The following PATJ variants were observed in gnomAD, a reference collection of about 807,000 sequenced individuals.
PATJ encodes the protein PATJ crumbs cell polarity complex component.
In PATJ, 190 loss-of-function variants were observed where a neutral mutation model predicts 224.9. That is an observed-to-expected ratio of 0.84 (90% CI 0.75 to 0.95). PATJ has a LOEUF of 0.95. Among genes scored for constraint, PATJ ranks in the 40% least tolerant of loss-of-function variants. The pLI is 0.00. For missense variants in PATJ, 2,121 were observed against 2,270.3 expected, an observed-to-expected ratio of 0.93 and a Z score of 1.34; for synonymous variants, 769 against 820.3, an observed-to-expected ratio of 0.94 and a Z score of 1.07.
At chr1:61,806,642 T>G (rs1174602651) in intron 13 of PATJ, among the ~76,000 whole-genome samples, 2 of 149,368 alleles carry the variant, frequency 1.3e-5, no homozygotes, top group Admixed American at 6.7e-5. Flanking sequence ...AAAAGATGAG[T>G]CAATACAATT....
chr1:62,020,813 A>G (rs1300296892), intron 29 of PATJ, among the ~76,000 whole-genome samples: 2 of 152,212 alleles, frequency 1.3e-5, no homozygotes, highest in East Asian at 1.9e-4. Context: ...TAAAGAACAG[A>G]AATTCATTCA....
At chr1:62,127,437 C>A (rs1208887854) in intron 39 of PATJ, among the ~76,000 whole-genome samples, 2 of 146,268 alleles carry the variant, frequency 1.4e-5, no homozygotes, top group Non-Finnish European at 1.5e-5. Flanking sequence ...TTTTTTGACA[C>A]AAATGACTCC....
intron 9 of PATJ, among the ~76,000 whole-genome samples, chr1:61,793,317 T>C (rs1056540199): frequency 6.6e-6 from 1 of 152,156 alleles, no homozygotes; most frequent in African/African-American, 2.4e-5. Flanking sequence ...AAATGGAGAA[T>C]TCACAAAGAA....
intron 41 of PATJ, among the ~76,000 whole-genome samples, chr1:62,145,781 C>T (rs978603160): frequency 7.9e-5 from 12 of 151,938 alleles, no homozygotes; most frequent in Non-Finnish European, 1.8e-4. Flanking sequence ...CATGGTGAAA[C>T]CCTGTCTCTA....
intron 31 of PATJ, among the ~76,000 whole-genome samples, chr1:62,065,044 C>T (rs1382943260): frequency 6.6e-6 from 1 of 152,166 alleles, no homozygotes; most frequent in Non-Finnish European, 1.5e-5. Context: ...TTTTTCACAG[C>T]TCATTGTTCT....
At chr1:61,961,548 T>G (rs1455462692) in intron 27 of PATJ, among the ~76,000 whole-genome samples, 1 of 152,132 alleles carries the variant, frequency 6.6e-6, no homozygotes, top group African/African-American at 2.4e-5. Context: ...AGTCATATAA[T>G]AGGAGACAAA....
chr1:61,948,950 A>C (rs1156567641), intron 27 of PATJ, among the ~76,000 whole-genome samples: 1 of 152,092 alleles, frequency 6.6e-6, no homozygotes, highest in Admixed American at 6.6e-5. Flanking sequence ...CATTCTCAGC[A>C]AACTATCACA....
intron 26 of PATJ, among the ~76,000 whole-genome samples, chr1:61,915,971 A>G (rs1346029258): frequency 2.0e-5 from 3 of 152,204 alleles, no homozygotes; most frequent in African/African-American, 4.8e-5. Flanking sequence ...CTTGGATTAC[A>G]GGCATGAGCT....
chr1:62,161,009 T>G lies in PATJ; in HGVS notation c.5604T>G (p.Ile1868Met), dbSNP rs889220623. The G allele has an allele frequency of 1.9e-6, 3 of 1,607,844 alleles. No individual in the cohort carries two copies. In the African/African-American group the frequency reaches 4.0e-5, roughly 22 times the overall value. Residue 1868 changes from isoleucine to methionine, a missense_variant, in exon 44 of 44, where the codon ATT (isoleucine) becomes ATG (methionine). By Grantham distance (10) the Ile-to-Met change is conservative. Transcript: ENST00000642238. ...EGVTHEQAVA[I>M]LKHQRGTVTL... ...TTACTCATGAGCAAGCAGTCGCCAT[T>G]CTAAAACACCAGAGAGGGACTGTAA... is the stretch of plus-strand genomic sequence containing the variant.
chr1:61,760,303 AAT>A (rs1463246064), intron 1 of PATJ, among the ~76,000 whole-genome samples: 1 of 152,184 alleles, frequency 6.6e-6, no homozygotes, highest in Non-Finnish European at 1.5e-5. Context: ...ATTGGTTTTC[AAT>A]ATGTTTTTTT....
intron 31 of PATJ, among the ~76,000 whole-genome samples, chr1:62,053,937 G>A (rs149127876): frequency 4.6e-5 from 7 of 152,180 alleles, no homozygotes; most frequent in Admixed American, 1.3e-4. Context: ...TGAAGATACC[G>A]CAGTGAACAA....
chr1:61,772,180 T>C (rs912078140), intron 6 of PATJ, among the ~76,000 whole-genome samples: 3 of 140,236 alleles, frequency 2.1e-5, no homozygotes, highest in Non-Finnish European at 4.6e-5. Flanking sequence ...GGAGGCCAAA[T>C]TGAAGTATTA....
chr1:62,035,641 A>G (rs1029384803), intron 29 of PATJ, among the ~76,000 whole-genome samples: 22 of 125,666 alleles, frequency 1.8e-4, no homozygotes, highest in Admixed American at 1.0e-3. Flanking sequence ...TAACTATGTT[A>G]AGCACAAACA....
chr1:62,056,252 A>T (rs996456830), intron 31 of PATJ, among the ~76,000 whole-genome samples: 1 of 152,232 alleles, frequency 6.6e-6, no homozygotes, highest in African/African-American at 2.4e-5. Context: ...AAAGTTCACC[A>T]TCATAGTTAA....
chr1:61,838,809 T>C (rs927441318), intron 17 of PATJ, among the ~76,000 whole-genome samples: 6 of 152,184 alleles, frequency 3.9e-5, no homozygotes, highest in African/African-American at 1.4e-4. Flanking sequence ...CTAGTATTTA[T>C]GTGTAATGTC....
Position 61,869,300 on chromosome 1 carries a change from G to T in PATJ, c.2835+4667G>T, listed in dbSNP as rs570893099. Among the ~76,000 whole-genome samples, 299 of 151,686 alleles carry T rather than the reference G, an allele frequency of 2.0e-3. 2 individuals carry two copies. The highest frequency in any genetic ancestry group is 6.9e-3 in the African/African-American group (285 of 41,306). On this transcript the variant is annotated intron_variant, in intron 20 of 43. Transcript: ENST00000642238. ...TTTTTGTATTTTTAGTAGAGACGGGGTTTCACCGTTTTAGCCGGGATGGTC... is the reference window on the plus strand; with the variant it reads ...TTTTTGTATTTTTAGTAGAGACGGGTTTTCACCGTTTTAGCCGGGATGGTC...
chr1:62,060,498 G>T (rs890135783), intron 31 of PATJ, among the ~76,000 whole-genome samples: 1 of 152,022 alleles, frequency 6.6e-6, no homozygotes, highest in Admixed American at 6.6e-5. Context: ...CTCCCAAGTA[G>T]CTAGGACTAC....
At chr1:62,082,200 T>A (rs1468630279) in intron 32 of PATJ, among the ~76,000 whole-genome samples, 2 of 151,912 alleles carry the variant, frequency 1.3e-5, no homozygotes, top group African/African-American at 2.4e-5. Flanking sequence ...ATGGCACTTT[T>A]TATGGTTGTA....
chr1:62,055,138 T>C (rs944802060), intron 31 of PATJ, among the ~76,000 whole-genome samples: 1 of 152,092 alleles, frequency 6.6e-6, no homozygotes, highest in Non-Finnish European at 1.5e-5. Context: ...AAAATAACCA[T>C]ATGTAAAGAG....
Sources: gnomAD v4.1 joint callset for allele counts (sites outside exome capture counted in the v4.1 genomes callset) on GRCh38, gnomAD v4.1.1 for gene constraint, MANE v1.5 for transcripts, NCBI Gene and HGNC (gene_info 2026-07-23, HGNC 2026-07-21) for gene names.